The following UBE2T variants were observed in gnomAD, a reference collection of about 807,000 sequenced individuals.
The protein encoded by UBE2T is ubiquitin-conjugating enzyme E2 T.
In UBE2T, 15 loss-of-function variants were observed where a neutral mutation model predicts 23.3. The ratio of observed to expected loss-of-function variants is 0.64; its 90% CI spans 0.43 to 0.99. The LOEUF (loss-of-function observed/expected upper bound fraction) is 0.99. Among genes scored for constraint, UBE2T ranks in the 50% least tolerant of loss-of-function variants. The probability of loss-of-function intolerance (pLI) is 0.00; values close to 1 mark genes in which losing one functional copy is unlikely to be tolerated. For missense variants in UBE2T, 197 were observed against 234.9 expected, an observed-to-expected ratio of 0.84 and a Z score of 1.05; for synonymous variants, 67 against 78.4, an observed-to-expected ratio of 0.85 and a Z score of 0.77.
intron 3 of UBE2T, among the ~76,000 whole-genome samples, chr1:202,334,470 G>A (rs945347839): frequency 8.5e-5 from 13 of 152,116 alleles, no homozygotes; most frequent in Admixed American, 5.2e-4. Flanking sequence ...ACAAATCCCC[G>A]TGATATCATG....
At chr1:202,338,031 T>C (rs922520162) in intron 1 of UBE2T, among the ~76,000 whole-genome samples, 3 of 152,202 alleles carry the variant, frequency 2.0e-5, no homozygotes, top group Non-Finnish European at 4.4e-5. Flanking sequence ...CTTTATGATA[T>C]TGAATCCTAA....
chr1:202,335,261 T>C lies in UBE2T; in HGVS notation c.110-203A>G, dbSNP rs544723589. On this transcript the variant is annotated intron_variant, in intron 2 of 6. Coordinates refer to ENST00000646651, the MANE Select transcript of UBE2T (RefSeq NM_014176.4). This position sits in a 1 kb window ranked among gnomAD's most constrained non-coding sequence, Gnocchi z 4.0. The stretch of plus-strand genomic sequence containing the variant: ...TTAATGGTGTCAAACAAAGGACATA[T>C]AGAAAATCTAAAGCAGAAGTTGCAA... 1.2e-4 allele frequency: 68 copies of C among 574,542 alleles called. 1 individual carries two copies. The highest frequency in any genetic ancestry group is 1.1e-3 in the African/African-American group (57 of 53,714). 35.6% of individuals were successfully genotyped at this position (574,542 alleles called of 1,614,324 possible).
In UBE2T at chr1:202,335,668, G is replaced by T. The variant is rs779838604; in HGVS notation, c.87C>A (p.Asp29Glu). The T allele has an allele frequency of 6.2e-7, 1 of 1,613,990 alleles. No individual in the cohort carries two copies. The highest frequency in any genetic ancestry group is 2.2e-5 in the East Asian group (1 of 44,872). The change falls in exon 2 of 7, where the codon GAC becomes GAA. Residue 29 changes from aspartate (D) to glutamate (E), a missense_variant. Asp to Glu is a conservative substitution (Grantham distance 45). Coordinates refer to ENST00000646651, the MANE Select transcript of UBE2T (RefSeq NM_014176.4). The surrounding 1 kb of genome is among the most constrained non-coding windows in gnomAD (Gnocchi z 4.0). ...PPGITCWQDK[D>E]QMDDLRAQIL... is the part of the protein sequence containing the mutation. ...TACGAGCTCGCAGGTCATCCATTTG[G>T]TCTTTATCTTGCCAACATGTGATGC...
intron 4 of UBE2T, 36 bp from the exon 5 acceptor site, chr1:202,333,371 A>T (rs1403221831): frequency 1.2e-6 from 2 of 1,613,552 alleles, no homozygotes; most frequent in Admixed American, 3.3e-5. Flanking sequence ...CTTTTATATT[A>T]GAATGTGATC....
At chr1:202,332,713 C>T (rs1363912795) in intron 6 of UBE2T, among the ~76,000 whole-genome samples, 1 of 150,812 alleles carries the variant, frequency 6.6e-6, no homozygotes, top group East Asian at 1.9e-4. Flanking sequence ...TCGAGACCAT[C>T]CCGGCTAAAA....
rs746055504 is a variant in UBE2T, at chr1:202,333,084, AT to A, written c.393del (p.Glu131AspfsTer56). ...AGGAAGGCTGGCTTATTATATTTAA[AT>A]TCTGAGGACTGAGATGAAATCAAAG... ...DDPLMADISS[E>X]FKYNKPAFLK... On this transcript the variant is annotated frameshift_variant, in exon 6 of 7. Coordinates refer to ENST00000646651, the MANE Select transcript of UBE2T (RefSeq NM_014176.4). LOFTEE classifies it high-confidence loss of function. 2 of 1,613,794 alleles carry A rather than the reference AT, an allele frequency of 1.2e-6. No homozygotes were observed. The highest frequency in any genetic ancestry group is 1.7e-6 in the Non-Finnish European group (2 of 1,179,804).
chr1:202,335,693 C>A lies in UBE2T; in HGVS notation c.62G>T (p.Gly21Val). ...LHMLATEPPP[G>V]ITCWQDKDQM... ...GTCTTTATCTTGCCAACATGTGATG[C>A]CTGGGGGTGGCTCTGTGGCTAACAT... The change falls in exon 2 of 7, where the codon GGC (glycine) becomes GTC (valine). Residue 21 changes from glycine to valine, a missense_variant. Transcript: ENST00000646651. The surrounding 1 kb of genome is among the most constrained non-coding windows in gnomAD (Gnocchi z 4.0). 2 of 1,614,072 alleles carry A rather than the reference C, an allele frequency of 1.2e-6. No individual in the cohort carries two copies. The highest frequency in any genetic ancestry group is 1.7e-6 in the Non-Finnish European group (2 of 1,180,016).
In UBE2T at chr1:202,333,534, C is replaced by T. The variant is rs148291042; in HGVS notation, c.201G>A (p.Gln67=). 1.9e-6 allele frequency: 3 copies of T among 1,613,944 alleles called. No homozygotes were observed. Among genetic ancestry groups the T allele is most frequent in the Non-Finnish European group, 2.5e-6 (3 of 1,180,006 alleles). ...GATAAATTGGAGTGAGAAATCGGAT[C>T]TGAGGAGGTTCAAATGGGTACCTAT... is the stretch of plus-strand genomic sequence containing the variant. ...IPERYPFEPP[Q]IRFLTPIYHP... Residue 67 remains glutamine (Q), a synonymous_variant, in exon 4 of 7, where the codon CAG becomes CAA. Transcript: ENST00000646651.
At chr1:202,333,611 C>G in intron 3 of UBE2T, 56 bp from the exon 4 acceptor site, 1 of 1,476,110 alleles carries the variant, frequency 6.8e-7, no homozygotes, top group Non-Finnish European at 9.3e-7. Flanking sequence ...CTTCTAAATA[C>G]ATTTAAATAG....
At chr1:202,334,905 T>C (rs1654849111) in intron 3 of UBE2T, 84 bp downstream of exon 3, 2 of 1,301,374 alleles carry the variant, frequency 1.5e-6, no homozygotes, top group Non-Finnish European at 2.2e-6. Context: ...ACCTAGTCCT[T>C]TATGCTCTAT....
intron 1 of UBE2T, among the ~76,000 whole-genome samples, chr1:202,337,378 G>T (rs1223719014): frequency 2.0e-5 from 3 of 152,124 alleles, no homozygotes; most frequent in Admixed American, 2.0e-4. Flanking sequence ...TATACTTTGT[G>T]TATTAAATTT....
chr1:202,333,316 A>G lies in UBE2T; in HGVS notation c.305T>C (p.Leu102Pro). Reference sequence around the variant, plus strand: ...AGAGGTCAACACAGTTGCGATGTTGAGGGATGGTCTCCAAGCACCCTATAT... The same window carrying G: ...AGAGGTCAACACAGTTGCGATGTTGGGGGATGGTCTCCAAGCACCCTATAT... ...LPPKGAWRPS[L>P]NIATVLTSIQ... The change falls in exon 5 of 7, where the codon CTC becomes CCC. Residue 102 changes from leucine (L) to proline (P), a missense_variant. Coordinates refer to ENST00000646651, the MANE Select transcript of UBE2T (RefSeq NM_014176.4). The G allele has an allele frequency of 6.2e-7, 1 of 1,614,162 alleles. No homozygotes were observed.
chr1:202,337,878 A>G (rs766373099), intron 1 of UBE2T, among the ~76,000 whole-genome samples: 124 of 152,260 alleles, frequency 8.1e-4, no homozygotes, highest in Non-Finnish European at 1.5e-3. Flanking sequence ...GCTCTTCCAT[A>G]TAAATTTGAG....
In UBE2T at chr1:202,335,337, C is replaced by T. The variant is rs567417479; in HGVS notation, c.110-279G>A. On this transcript the variant is annotated intron_variant, in intron 2 of 6. Coordinates refer to ENST00000646651, the MANE Select transcript of UBE2T (RefSeq NM_014176.4). This position sits in a 1 kb window ranked among gnomAD's most constrained non-coding sequence, Gnocchi z 4.0. ...ACCTATAGATTTGTTTTGTTTGGAC[C>T]GCAGTATTCTAATCATGTATGTTTC... is the stretch of plus-strand genomic sequence containing the variant. 4.3e-5 allele frequency: 23 copies of T among 538,554 alleles called. No individual in the cohort carries two copies. Among genetic ancestry groups the T allele is most frequent in the South Asian group, 4.2e-4 (17 of 40,362 alleles). The allele number at this position is 538,554 out of a possible 1,614,324, so 33.4% of individuals were successfully genotyped here.
chr1:202,333,633 C>T, intron 3 of UBE2T, 78 bp from the exon 4 acceptor site: 3 of 1,343,862 alleles, frequency 2.2e-6, no homozygotes, highest in East Asian at 5.0e-5. Flanking sequence ...TTCTTGGTCA[C>T]AATAATTTTG....
At position 202,335,738 on chromosome 1, in the gene UBE2T, C is replaced by T. The variant is rs1338703896; in HGVS notation, c.17G>A (p.Arg6His). 1.3e-5 allele frequency: 21 copies of T among 1,613,938 alleles called. No homozygotes were observed. The East Asian group carries it at 1.6e-4, about 12-fold the overall frequency. Residue 6 changes from arginine to histidine, a missense_variant, in exon 2 of 7, where the codon CGT becomes CAT. Transcript: ENST00000646651. The surrounding 1 kb of genome is among the most constrained non-coding windows in gnomAD (Gnocchi z 4.0). ...TAACATGTGCAGCTCTCTCTTCAGACGTGAAGCTCTCTGCATGATCCCCAA... is the reference window on the plus strand; with the variant it reads ...TAACATGTGCAGCTCTCTCTTCAGATGTGAAGCTCTCTGCATGATCCCCAA... MQRAS[R>H]LKRELHMLAT...
At chr1:202,339,489 T>G (rs1654951601) in intron 1 of UBE2T, among the ~76,000 whole-genome samples, 7 of 149,572 alleles carry the variant, frequency 4.7e-5, no homozygotes. Flanking sequence ...AAATAGAAAA[T>G]GAGAAAAAAT....
intron 1 of UBE2T, among the ~76,000 whole-genome samples, chr1:202,338,054 C>T (rs779074116): frequency 3.5e-4 from 53 of 152,144 alleles, no homozygotes; most frequent in Non-Finnish European, 5.9e-4. Flanking sequence ...TCCATGAACA[C>T]GCTGTTTCAG....
In UBE2T at chr1:202,333,026, G is replaced by A. The variant is rs1226731834; in HGVS notation, c.452C>T (p.Ala151Val). ...ACATTATACCTTTTGTTTCTGTCTT[G>A]CATGCTTCTCTGTCCACTGTCTGGC... is the stretch of plus-strand genomic sequence containing the variant. Reference protein sequence around the residue: ...KNARQWTEKHARQKQKADEEE... With the variant: ...KNARQWTEKHVRQKQKADEEE... Residue 151 changes from alanine (A) to valine (V), a missense_variant, in exon 6 of 7, where the codon GCA becomes GTA. By Grantham distance (64) the Ala-to-Val change is moderately conservative (BLOSUM62 0). Transcript: ENST00000646651. 6.2e-7 allele frequency: 1 copy of A among 1,600,616 alleles called. No homozygotes were observed. Among genetic ancestry groups the A allele is most frequent in the Non-Finnish European group, 8.5e-7 (1 of 1,174,628 alleles).
Sources: allele counts gnomAD v4.1 joint callset (sites outside exome capture counted in the v4.1 genomes callset), GRCh38; gene constraint gnomAD v4.1.1; non-coding constraint Gnocchi (gnomAD v3.1); transcripts MANE v1.5; gene names NCBI Gene and HGNC (gene_info 2026-07-23, HGNC 2026-07-21).